ARMH4: variants seen among roughly 807,000 people sequenced by gnomAD.
ARMH4 encodes the protein armadillo like helical domain containing 4.
A neutral mutation model predicts 61.9 loss-of-function variants in ARMH4; 49 were observed. That is an observed-to-expected ratio of 0.79 (90% CI 0.63 to 1.00). ARMH4 has a LOEUF of 1.00. Ranked by LOEUF, ARMH4 falls within the 50% of genes least tolerant of loss-of-function variation. The pLI, the probability that ARMH4 is intolerant of heterozygous loss-of-function variation, is 0.00. For missense variants in ARMH4, 934 were observed against 930.0 expected (o/e 1.00, Z -0.06); for synonymous variants, 368 against 341.5 (o/e 1.08, Z -0.85).
At chr14:58,058,290 A>T (rs1269874111) in intron 5 of ARMH4, among the ~76,000 whole-genome samples, 2 of 152,214 alleles carry the variant, frequency 1.3e-5, no homozygotes, top group Non-Finnish European at 2.9e-5. Context: ...TATTTAGGGA[A>T]TAGCAACAAG....
intron 1 of ARMH4, among the ~76,000 whole-genome samples, chr14:58,146,608 T>C (rs1010593177): frequency 1.3e-5 from 2 of 152,230 alleles, no homozygotes; most frequent in Non-Finnish European, 2.9e-5. Context: ...GGCATTATCT[T>C]TGACAATCTT....
rs115408986 is a variant in ARMH4, at chr14:58,078,567, T to A, written c.2089+18157A>T. Among the ~76,000 whole-genome samples, 812 of 152,336 alleles carry A rather than the reference T, an allele frequency of 5.3e-3. 7 individuals are homozygous for A. The highest frequency in any genetic ancestry group is 0.019 in the African/African-American group (779 of 41,576). ...CCTACTTCTGCCCATGTACCAACCA[T>A]GTACCAACAATGGTACAGATATAGA... On this transcript the variant is annotated intron_variant, in intron 5 of 7. Transcript: ENST00000267485.
At chr14:58,111,894 C>T (rs1886366073) in intron 4 of ARMH4, among the ~76,000 whole-genome samples, 1 of 151,912 alleles carries the variant, frequency 6.6e-6, no homozygotes, top group African/African-American at 2.4e-5. Flanking sequence ...AGGGTCTCTT[C>T]GGTGACCAGG....
intron 4 of ARMH4, among the ~76,000 whole-genome samples, chr14:58,115,061 G>C (rs2141293111): frequency 6.6e-6 from 1 of 152,202 alleles, no homozygotes; most frequent in African/African-American, 2.4e-5. Context: ...GTCCCCAAAA[G>C]CATTTGCAAC....
intron 6 of ARMH4, among the ~76,000 whole-genome samples, chr14:58,011,779 A>AC: frequency 6.8e-6 from 1 of 148,062 alleles, no homozygotes. Flanking sequence ...AAAAAAAAAA[A>AC]AAACAGATGG....
intron 1 of ARMH4, among the ~76,000 whole-genome samples, chr14:58,144,925 T>C (rs1217277968): frequency 2.0e-5 from 3 of 152,108 alleles, no homozygotes; most frequent in Non-Finnish European, 4.4e-5. Context: ...TGACAGTCAA[T>C]GAAATTACAC....
chr14:58,149,161 A>G (rs1295096181), intron 1 of ARMH4, among the ~76,000 whole-genome samples: 1 of 152,156 alleles, frequency 6.6e-6, no homozygotes, highest in Non-Finnish European at 1.5e-5. Context: ...TATTGCCAAT[A>G]CTATTGTATT....
intron 5 of ARMH4, among the ~76,000 whole-genome samples, chr14:58,071,111 T>C (rs1002454482): frequency 1.3e-5 from 2 of 150,896 alleles, no homozygotes; most frequent in Non-Finnish European, 3.0e-5. Context: ...ATAAGGTGAG[T>C]GCAGGCCCCA....
At chr14:58,094,706 T>C (rs1034822393) in intron 5 of ARMH4, among the ~76,000 whole-genome samples, 1 of 152,228 alleles carries the variant, frequency 6.6e-6, no homozygotes, top group Admixed American at 6.5e-5. Flanking sequence ...TACCATATGA[T>C]GTCATTTGTA....
chr14:58,112,756 G>C (rs1204642112), intron 4 of ARMH4, among the ~76,000 whole-genome samples: 1 of 152,024 alleles, frequency 6.6e-6, no homozygotes, highest in Non-Finnish European at 1.5e-5. Context: ...ATATTTCTAG[G>C]TTATTCGTTA....
rs915813678 is a variant in ARMH4, at chr14:58,005,038, G to A, written c.2256+10C>T. On this transcript the variant is annotated intron_variant, in intron 7 of 7. Transcript: ENST00000267485. ...AAACTGATTAGGTTTTGCTGTTGTTGGTTCCATACCTTTCTTTTATGCCTT... is the reference window on the plus strand; with the variant it reads ...AAACTGATTAGGTTTTGCTGTTGTTAGTTCCATACCTTTCTTTTATGCCTT... 5 of 1,613,750 alleles carry A rather than the reference G, an allele frequency of 3.1e-6. No homozygotes were observed.
intron 5 of ARMH4, among the ~76,000 whole-genome samples, chr14:58,045,731 T>C (rs769005309): frequency 4.6e-5 from 7 of 152,024 alleles, no homozygotes; most frequent in Non-Finnish European, 8.8e-5. Flanking sequence ...TGGTCACAGA[T>C]ATAATTAAAT....
chr14:58,012,224 CAAATT>C (rs1332806403), intron 5 of ARMH4, 74 bp from the exon 6 acceptor site: 3 of 886,968 alleles, frequency 3.4e-6, no homozygotes, highest in Non-Finnish European at 3.4e-6. Flanking sequence ...GTTAATTTGA[CAAATT>C]AAAGAGTTTT....
chr14:58,123,541 A>G (rs1349494589), intron 4 of ARMH4, among the ~76,000 whole-genome samples: 1 of 152,158 alleles, frequency 6.6e-6, no homozygotes, highest in East Asian at 1.9e-4. Context: ...AGGATTATCA[A>G]TGAGGCCGTT....
At chr14:58,130,376 C>G (rs752422113) in intron 4 of ARMH4, among the ~76,000 whole-genome samples, 1 of 152,068 alleles carries the variant, frequency 6.6e-6, no homozygotes, top group Non-Finnish European at 1.5e-5. Context: ...GAGTCAGCTG[C>G]AAACCTAGCT....
chr14:58,133,004 T>C, intron 3 of ARMH4, 86 bp downstream of exon 3: 1 of 1,481,656 alleles, frequency 6.7e-7, no homozygotes, highest in Non-Finnish European at 9.3e-7. Flanking sequence ...GATGGCAATG[T>C]CGGCTGCCTC....
rs1882075261 is a variant in ARMH4, at chr14:58,004,152, G to A, written c.*584C>T. On this transcript the variant is annotated 3_prime_UTR_variant, in exon 8 of 8. Coordinates refer to ENST00000267485, the MANE Select transcript of ARMH4 (RefSeq NM_001001872.4). ...AGAATAATAAAACTAGGAGACTGAAGTACATAATGCAAAATACATACAAAT... is the reference window on the plus strand; with the variant it reads ...AGAATAATAAAACTAGGAGACTGAAATACATAATGCAAAATACATACAAAT... 6.6e-6 allele frequency: 1 copy of A among 152,162 alleles called. No homozygotes were observed. Among genetic ancestry groups the A allele is most frequent in the African/African-American group, 2.4e-5 (1 of 41,434 alleles). 9.4% of individuals were successfully genotyped at this position (152,162 alleles called of 1,614,324 possible).
In ARMH4 at chr14:58,131,698, G is replaced by A; in HGVS notation, c.1645C>T (p.Pro549Ser). ...AGAACTGGTGTGAACTCCTCATTTG[G>A]CCCTGTGACTGTGTCCATTTGTTCT... is the stretch of plus-strand genomic sequence containing the variant. ...VEEQMDTVTGPNEEFTPVLGS... is the reference protein window; with the variant it reads ...VEEQMDTVTGSNEEFTPVLGS... Residue 549 changes from proline (P) to serine (S), a missense_variant, in exon 4 of 8, where the codon CCA (proline) becomes TCA (serine). Physicochemically the swap from Pro to Ser is moderately conservative, Grantham distance 74. Coordinates refer to ENST00000267485, the MANE Select transcript of ARMH4 (RefSeq NM_001001872.4). The A allele has an allele frequency of 6.2e-7, 1 of 1,613,134 alleles. No individual in the cohort carries two copies. The highest frequency in any genetic ancestry group is 1.9e-4 in the Middle Eastern group (1 of 5,282).
intron 1 of ARMH4, among the ~76,000 whole-genome samples, chr14:58,151,027 C>A (rs1436285821): frequency 6.6e-6 from 1 of 152,122 alleles, no homozygotes; most frequent in Non-Finnish European, 1.5e-5. Flanking sequence ...AGAATTTTTG[C>A]CCTTTGGAGA....
Sources: gnomAD v4.1 joint callset for allele counts (sites outside exome capture counted in the v4.1 genomes callset) on GRCh38, gnomAD v4.1.1 for gene constraint, MANE v1.5 for transcripts, NCBI Gene and HGNC (gene_info 2026-07-23, HGNC 2026-07-21) for gene names.